Variants in TIAM2 observed in about 807,000 individuals in gnomAD.
TIAM2 encodes the protein rho guanine nucleotide exchange factor TIAM2.
In TIAM2, 80 loss-of-function variants were observed where a neutral mutation model predicts 152.9. The observed-to-expected ratio is 0.52, with a 90% CI of 0.44 to 0.63. TIAM2 has a LOEUF of 0.63. TIAM2 is among the 30% of genes least tolerant of loss of function. The pLI is 0.00. For synonymous variants in TIAM2, 804 were observed against 838.0 expected (o/e 0.96, Z 0.70); for missense variants, 1,965 against 2,120.1 (o/e 0.93, Z 1.44).
chr6:155,003,791 G>A (rs959710392), intron 1 of TIAM2, among the ~76,000 whole-genome samples: 1 of 152,172 alleles, frequency 6.6e-6, no homozygotes. Context: ...CAGGGAGGAG[G>A]CCAACATGGT....
intron 2 of TIAM2, among the ~76,000 whole-genome samples, chr6:155,110,313 C>CT (rs1488922028): frequency 0.26 from 23,614 of 89,748 alleles, 2,163 homozygotes; most frequent in South Asian, 0.48. Flanking sequence ...TTTCCTCTTT[C>CT]TTTTCTTTTT....
intron 15 of TIAM2, among the ~76,000 whole-genome samples, chr6:155,237,476 A>G (rs1782826344): frequency 6.6e-6 from 1 of 152,242 alleles, no homozygotes; most frequent in Non-Finnish European, 1.5e-5. Flanking sequence ...GCGGTGCCCC[A>G]GTAGGGACTC....
chr6:155,208,964 T>C (rs1781654079), intron 14 of TIAM2, among the ~76,000 whole-genome samples: 1 of 151,976 alleles, frequency 6.6e-6, no homozygotes, highest in African/African-American at 2.4e-5. Flanking sequence ...AGTCCTGGAA[T>C]CCCCTCTCCC....
At chr6:155,005,431 C>G (rs1182864989) in intron 1 of TIAM2, 1 of 153,518 alleles carries the variant, frequency 6.5e-6, no homozygotes, top group African/African-American at 2.4e-5. Flanking sequence ...CCTCCACCTC[C>G]TAGGTTAAAG....
At position 155,179,075 on chromosome 6, in the gene TIAM2, C is replaced by G; in HGVS notation, c.2560C>G (p.Leu854Val). ...GGAACCCAGCCATTATGGCCTACAG[C>G]TTCGAAAATTAGTAGATGACAATGT... is the stretch of plus-strand genomic sequence containing the variant. ...QLEPSHYGLQLRKLVDDNVEY... is the reference protein window; with the variant it reads ...QLEPSHYGLQVRKLVDDNVEY... Residue 854 changes from leucine to valine, a missense_variant, in exon 11 of 27, where the codon CTT (leucine) becomes GTT (valine). Physicochemically the swap from Leu to Val is conservative, Grantham distance 32. Transcript: ENST00000682666. 1 of 1,614,106 alleles carries G rather than the reference C, an allele frequency of 6.2e-7. No individual in the cohort carries two copies. The highest frequency in any genetic ancestry group is 1.7e-4 in the Middle Eastern group (1 of 6,060).
chr6:155,256,002 A>G (rs2115374258), intron 26 of TIAM2: 1 of 177,670 alleles, frequency 5.6e-6, no homozygotes, highest in South Asian at 7.3e-5. Flanking sequence ...AGAGCAAGAC[A>G]CTGTCTTTAA....
At chr6:155,173,302 A>G (rs1035733133) in intron 9 of TIAM2, among the ~76,000 whole-genome samples, 8 of 151,958 alleles carry the variant, frequency 5.3e-5, no homozygotes, top group African/African-American at 1.5e-4. Context: ...CTTGGCTTTG[A>G]TAGGCGTCTT....
chr6:155,256,514 AT>A lies in TIAM2; in HGVS notation c.4501del (p.Ser1501ProfsTer23). The A allele has an allele frequency of 6.2e-7, 1 of 1,614,230 alleles. No homozygotes were observed. The highest frequency in any genetic ancestry group is 8.5e-7 in the Non-Finnish European group (1 of 1,180,048). ...TCCAGGTCTTTAAAAGTCCTGAAGA[AT>A]TCCTCCAGCAACGAGTGGACCGGTG... ...ASSRSLKVLK[N>X]SSSNEWTGET... On this transcript the variant is annotated frameshift_variant, in exon 27 of 27. Transcript: ENST00000682666. LOFTEE classifies it low-confidence loss of function (END_TRUNC).
At chr6:155,049,890 T>C (rs1173750468) in intron 1 of TIAM2, among the ~76,000 whole-genome samples, 1 of 152,158 alleles carries the variant, frequency 6.6e-6, no homozygotes, top group Non-Finnish European at 1.5e-5. Context: ...TGATGAAAGT[T>C]TGAGTTGGAT....
At chr6:155,001,842 T>C (rs1318234493) in intron 1 of TIAM2, among the ~76,000 whole-genome samples, 1 of 152,258 alleles carries the variant, frequency 6.6e-6, no homozygotes, top group Non-Finnish European at 1.5e-5. Flanking sequence ...AAAACTCGAA[T>C]TTTGAAGCTT....
chr6:155,104,485 C>T (rs34360667), intron 2 of TIAM2, among the ~76,000 whole-genome samples: 5,075 of 152,226 alleles, frequency 0.033, 184 homozygotes, highest in Admixed American at 0.11. Context: ...ATGGCCGGCA[C>T]GGTGGGTCAC....
At chr6:155,017,801 C>T (rs111950228) in intron 1 of TIAM2, among the ~76,000 whole-genome samples, 17 of 152,190 alleles carry the variant, frequency 1.1e-4, no homozygotes, top group African/African-American at 4.1e-4. Flanking sequence ...CCACGCCTGA[C>T]TCTCCCTTTT....
At chr6:155,029,646 A>C (rs55867165) in intron 1 of TIAM2, among the ~76,000 whole-genome samples, 9 of 104,540 alleles carry the variant, frequency 8.6e-5, no homozygotes, top group East Asian at 2.2e-4. Flanking sequence ...TAGTTATATA[A>C]CTATATATAG....
chr6:155,100,731 T>A lies in TIAM2; in HGVS notation c.-118+10352T>A, dbSNP rs147745135. Among the ~76,000 whole-genome samples the A allele has an allele frequency of 2.6e-5, 4 of 152,328 alleles. No homozygotes were observed. The East Asian group carries it at 7.7e-4, about 29-fold the overall frequency. On this transcript the variant is annotated intron_variant, in intron 2 of 26. Transcript: ENST00000682666. ...AGAGGCAGACCTTATGTTAAACAAT[T>A]TACATCTATTGTTTTACATGATCCT... is the stretch of plus-strand genomic sequence containing the variant.
At chr6:155,094,734 T>TG (rs113852289) in intron 2 of TIAM2, among the ~76,000 whole-genome samples, 2,080 of 128,714 alleles carry the variant, frequency 0.016, 19 homozygotes, top group African/African-American at 0.021. Context: ...GTTTTTTTTT[T>TG]TTTGTTTTTT....
At chr6:155,023,042 G>GTTTTTT (rs762200760) in intron 1 of TIAM2, among the ~76,000 whole-genome samples, 1 of 88,270 alleles carries the variant, frequency 1.1e-5, no homozygotes. Flanking sequence ...TTTTTGTTCT[G>GTTTTTT]TTTTTTTTTT....
intron 15 of TIAM2, among the ~76,000 whole-genome samples, chr6:155,217,312 C>T (rs1275572718): frequency 6.6e-6 from 1 of 152,132 alleles, no homozygotes; most frequent in African/African-American, 2.4e-5. Flanking sequence ...TTTTGGATAC[C>T]CGTTCTGTGG....
At chr6:155,143,000 A>G (rs1779745269) in intron 5 of TIAM2, among the ~76,000 whole-genome samples, 1 of 152,250 alleles carries the variant, frequency 6.6e-6, no homozygotes, top group African/African-American at 2.4e-5. Context: ...CTGAACTTTT[A>G]TGAATGAGGA....
At chr6:155,234,007 G>A (rs1192932531) in intron 15 of TIAM2, among the ~76,000 whole-genome samples, 1 of 149,604 alleles carries the variant, frequency 6.7e-6, no homozygotes, top group African/African-American at 2.5e-5. Context: ...TTTTTTTGGG[G>A]GGGGGTTGGG....
Sources: gnomAD v4.1 joint callset for allele counts (sites outside exome capture counted in the v4.1 genomes callset) on GRCh38, gnomAD v4.1.1 for gene constraint, MANE v1.5 for transcripts, NCBI Gene and HGNC (gene_info 2026-07-23, HGNC 2026-07-21) for gene names.